The following TNXB variants were observed in gnomAD, a reference collection of about 807,000 sequenced individuals.
TNXB encodes tenascin-X.
Under a neutral mutation model 340.5 loss-of-function variants are expected in TNXB, and 183 were observed. That is an observed-to-expected ratio of 0.54 (90% CI 0.48 to 0.61). The LOEUF (loss-of-function observed/expected upper bound fraction) is 0.61, where lower values mean the gene tolerates loss of function less well. TNXB is among the 20% of genes least tolerant of loss of function. The pLI is 0.00. For missense variants in TNXB, 4,613 were observed against 5,446.4 expected, an observed-to-expected ratio of 0.85 and a Z score of 4.82; for synonymous variants, 2,121 against 2,314.5, an observed-to-expected ratio of 0.92 and a Z score of 2.40.
At position 32,068,640 on chromosome 6, in the gene TNXB, C is replaced by A. The variant is rs1473428109; in HGVS notation, c.5970G>T (p.Leu1990=). 3.1e-6 allele frequency: 5 copies of A among 1,613,886 alleles called. No homozygotes were observed. The highest frequency in any genetic ancestry group is 3.3e-4 in the Middle Eastern group (2 of 6,062). ...ATPEPPIKPR[L]GELTVTDATP... is the part of the protein sequence containing the mutation. ...TGGCATCTGTCACGGTCAGCTCCCC[C>A]AGGCGAGGCTTGATGGGGGGCTCGG... is the stretch of plus-strand genomic sequence containing the variant. Residue 1990 remains leucine (L), a synonymous_variant, in exon 17 of 44, where the codon CTG becomes CTT. Coordinates refer to ENST00000644971, the MANE Select transcript of TNXB (RefSeq NM_001365276.2). The surrounding 1 kb of genome is among the most constrained non-coding windows in gnomAD (Gnocchi z 5.3).
Position 32,098,109 on chromosome 6 carries a change from G to A in TNXB, c.90C>T (p.Ser30=). The change falls in exon 2 of 44, where the codon TCC becomes TCT. Residue 30 remains serine (S), a synonymous_variant. Coordinates refer to ENST00000644971, the MANE Select transcript of TNXB (RefSeq NM_001365276.2). ...TARAGPFSSR[S]NVTLPAPRPP... is the part of the protein sequence containing the mutation. The stretch of plus-strand genomic sequence containing the variant: ...GCCGGGGGGCTGGCAGTGTCACATT[G>A]GACCGTGAAGAGAAGGGGCCTGCTC... 6.2e-7 allele frequency: 1 copy of A among 1,601,220 alleles called. No homozygotes were observed. Among genetic ancestry groups the A allele is most frequent in the African/African-American group, 1.3e-5 (1 of 74,906 alleles).
chr6:32,101,015 T>C (rs1373876754), intron 1 of TNXB, among the ~76,000 whole-genome samples: 3 of 134,390 alleles, frequency 2.2e-5, no homozygotes, highest in Admixed American at 8.8e-5. Context: ...GAGGCGGAGG[T>C]TGCAGTGAGC....
Position 32,072,378 on chromosome 6 carries a change from G to T in TNXB, c.4682-80C>A. On this transcript the variant is annotated intron_variant, in intron 12 of 43. Transcript: ENST00000644971. This position sits in a 1 kb window ranked among gnomAD's most constrained non-coding sequence, Gnocchi z 4.4. ...GGGCTTTGAGGGCCTCAGGGGGGCT[G>T]TGAACTGAGATGGGGAATAGTTACA... 1 of 1,225,842 alleles carries T rather than the reference G, an allele frequency of 8.2e-7. No individual in the cohort carries two copies. The highest frequency in any genetic ancestry group is 1.1e-6 in the Non-Finnish European group (1 of 902,616). The allele number at this position is 1,225,842 out of a possible 1,614,324, so 75.9% of individuals were successfully genotyped here.
Position 32,049,226 on chromosome 6 carries a change from C to T in TNXB, c.9757+44G>A. On this transcript the variant is annotated intron_variant, in intron 28 of 43. Transcript: ENST00000644971. This position sits in a 1 kb window ranked among gnomAD's most constrained non-coding sequence, Gnocchi z 4.5. ...GATCCAAAGGAGAAACACAAGGGGG[C>T]TGCAGAGGTAAACCTGGGGACGAGG... 1 of 1,578,628 alleles carries T rather than the reference C, an allele frequency of 6.3e-7. No homozygotes were observed.
rs565419193 is a variant in TNXB at position 32,105,152 on chromosome 6, T to A, written c.-9+4029A>T. Among the ~76,000 whole-genome samples the A allele has an allele frequency of 1.8e-4, 27 of 152,218 alleles. 1 individual carries two copies. In the East Asian group the frequency reaches 4.2e-3, roughly 24 times the overall value. On this transcript the variant is annotated intron_variant, in intron 1 of 43. Transcript: ENST00000644971. ...GCTCCACTGACCTTCAAGTCCCTCA[T>A]ACTCTCTGTGCCCATCCCCAACCCC... is the stretch of plus-strand genomic sequence containing the variant.
Position 32,055,895 on chromosome 6 carries a change from T to C in TNXB, c.8423A>G (p.His2808Arg), listed in dbSNP as rs1777594740. The change falls in exon 24 of 44, where the codon CAC (histidine) becomes CGC (arginine). Residue 2808 changes from histidine (H) to arginine (R), a missense_variant. This residue lies in a region of TNXB where 4,327 missense variants were observed against 4,859.4 expected (regional missense o/e 0.89). Transcript: ENST00000644971. ...CACCGGGCCCACACGCCGCCCCTCG[T>C]GGAGGCCGTACAGGTGCATCTTGTA... Reference protein sequence around the residue: ...RKYKMHLYGLHEGRRVGPVST... With the variant: ...RKYKMHLYGLREGRRVGPVST... 2.5e-6 allele frequency: 4 copies of C among 1,613,026 alleles called. No individual in the cohort carries two copies. The African/African-American group carries it at 5.3e-5, about 22-fold the overall frequency.
At chr6:32,095,549 C>G in intron 3 of TNXB, 62 bp downstream of exon 3, 2 of 1,557,472 alleles carry the variant, frequency 1.3e-6, no homozygotes, top group East Asian at 4.5e-5. Flanking sequence ...TCAGGTCTTC[C>G]CCATGGCTCC....
rs1406024505 is a variant in TNXB, at chr6:32,081,422, A to G, written c.3988T>C (p.Tyr1330His). 1 of 1,559,388 alleles carries G rather than the reference A, an allele frequency of 6.4e-7. No individual in the cohort carries two copies. Among genetic ancestry groups the G allele is most frequent in the Admixed American group, 1.9e-5 (1 of 52,456 alleles). Residue 1330 changes from tyrosine to histidine, a missense_variant, in exon 10 of 44, where the codon TAC becomes CAC. This residue lies in a region of TNXB where 4,327 missense variants were observed against 4,859.4 expected (regional missense o/e 0.89). Transcript: ENST00000644971. The surrounding 1 kb of genome is among the most constrained non-coding windows in gnomAD (Gnocchi z 5.1). ...DPDRKYKMNL[Y>H]GLRGRQRVGP... ...ACACGCTGCCTGCCACGAAGCCCGT[A>G]GAGGTTCATCTTATACTTCCGGTCG...
At position 32,064,276 on chromosome 6, in the gene TNXB, G is replaced by A. The variant is rs1000398677; in HGVS notation, c.6841+545C>T. On this transcript the variant is annotated intron_variant, in intron 19 of 43. Coordinates refer to ENST00000644971, the MANE Select transcript of TNXB (RefSeq NM_001365276.2). The surrounding 1 kb of genome is among the most constrained non-coding windows in gnomAD (Gnocchi z 5.3). ...CACACAGGCTGGAGTGCAGTGGCTCGATCTCGGCTCACTGCAACCTCCGCC... is the reference window on the plus strand; with the variant it reads ...CACACAGGCTGGAGTGCAGTGGCTCAATCTCGGCTCACTGCAACCTCCGCC... Among the ~76,000 whole-genome samples the A allele has an allele frequency of 6.6e-6, 1 of 152,102 alleles. No homozygotes were observed. Among genetic ancestry groups the A allele is most frequent in the East Asian group, 1.9e-4 (1 of 5,186 alleles).
rs137893789 is a variant in TNXB, at chr6:32,087,709, G to A, written c.2779+1076C>T. On this transcript the variant is annotated intron_variant, in intron 6 of 43. Coordinates refer to ENST00000644971, the MANE Select transcript of TNXB (RefSeq NM_001365276.2). The surrounding 1 kb of genome is among the most constrained non-coding windows in gnomAD (Gnocchi z 9.0). ...TTCATGGATGTGGCGCGCCACCGAC[G>A]TGTAAGTCTGGTTGGCCCGCAGTGG... 0.025 allele frequency: 11,664 copies of A among 474,274 alleles called. 293 individuals are homozygous for A. The highest frequency in any genetic ancestry group is 0.041 in the Non-Finnish European group (9,778 of 238,142). 29.4% of individuals were successfully genotyped at this position (474,274 alleles called of 1,614,324 possible).
chr6:32,090,885 C>A lies in TNXB; in HGVS notation c.2359-1506G>T, dbSNP rs1780041331. Among the ~76,000 whole-genome samples, 1 of 152,112 alleles carries A rather than the reference C, an allele frequency of 6.6e-6. No individual in the cohort carries two copies. The highest frequency in any genetic ancestry group is 2.1e-4 in the South Asian group (1 of 4,822). ...TCTCTTTCTCTTTATCCACACCCAC[C>A]CCATCCCCACAGCCGCAATACACAC... On this transcript the variant is annotated intron_variant, in intron 4 of 43. Transcript: ENST00000644971. This position sits in a 1 kb window ranked among gnomAD's most constrained non-coding sequence, Gnocchi z 4.3.
At position 32,051,969 on chromosome 6, in the gene TNXB, G is replaced by C. The variant is rs2857009; in HGVS notation, c.9115+701C>G. ...TGTCTAGTGGGTAGGAAGTTTCAGTGTGGGAAGAGGAGTTCTGGAAGTGGA... is the reference window on the plus strand; with the variant it reads ...TGTCTAGTGGGTAGGAAGTTTCAGTCTGGGAAGAGGAGTTCTGGAAGTGGA... On this transcript the variant is annotated intron_variant, in intron 26 of 43. Coordinates refer to ENST00000644971, the MANE Select transcript of TNXB (RefSeq NM_001365276.2). This position sits in a 1 kb window ranked among gnomAD's most constrained non-coding sequence, Gnocchi z 4.7. Among the ~76,000 whole-genome samples the C allele has an allele frequency of 0.26, 38,982 of 152,076 alleles. 6,404 individuals are homozygous for C. The highest frequency in any genetic ancestry group is 0.38 in the Admixed American group (5,745 of 15,278).
chr6:32,075,222 C>G lies in TNXB; in HGVS notation c.4376-1270G>C, dbSNP rs762625312. On this transcript the variant is annotated intron_variant, in intron 11 of 43. Transcript: ENST00000644971. This position sits in a 1 kb window ranked among gnomAD's most constrained non-coding sequence, Gnocchi z 4.6. ...CTGTTGGGTCTGCAGCCAGAAGGAT[C>G]CTGTTAACACATTAGCCAGAGCTGG... 6.6e-6 allele frequency among the ~76,000 whole-genome samples: 1 copy of G among 152,224 alleles called. No homozygotes were observed. The highest frequency in any genetic ancestry group is 2.1e-4 in the South Asian group (1 of 4,832).
At position 32,090,374 on chromosome 6, in the gene TNXB, C is replaced by G. The variant is rs1780021470; in HGVS notation, c.2359-995G>C. ...TCCAAAGGGAATCTACTGGACCCTGCTCCAGGCAGGGTCTCCTGGAATGCC... is the reference window on the plus strand; with the variant it reads ...TCCAAAGGGAATCTACTGGACCCTGGTCCAGGCAGGGTCTCCTGGAATGCC... On this transcript the variant is annotated intron_variant, in intron 4 of 43. Coordinates refer to ENST00000644971, the MANE Select transcript of TNXB (RefSeq NM_001365276.2). The surrounding 1 kb of genome is among the most constrained non-coding windows in gnomAD (Gnocchi z 4.3). Among the ~76,000 whole-genome samples the G allele has an allele frequency of 1.3e-5, 2 of 152,214 alleles. No homozygotes were observed. The highest frequency in any genetic ancestry group is 2.9e-5 in the Non-Finnish European group (2 of 68,038).
Position 32,095,599 on chromosome 6 carries a change from C to T in TNXB, c.2242+12G>A. Reference sequence around the variant, plus strand: ...CAGTCCCAGAGTACACTGGGGAAGGCTGCCTGCTCACCTTCTCCGCAGTCT... The same window carrying T: ...CAGTCCCAGAGTACACTGGGGAAGGTTGCCTGCTCACCTTCTCCGCAGTCT... On this transcript the variant is annotated intron_variant, in intron 3 of 43. Coordinates refer to ENST00000644971, the MANE Select transcript of TNXB (RefSeq NM_001365276.2). 1 of 1,603,682 alleles carries T rather than the reference C, an allele frequency of 6.2e-7. No individual in the cohort carries two copies.
In TNXB at chr6:32,049,277, G is replaced by A. The variant is rs764782707; in HGVS notation, c.9750C>T (p.Gly3250=). ...GCCTGTCCCCCCACTCACCCGTGAT[G>A]CCCACGGTGGACACTGGGCCCACGC... ...GQRVGPVSTV[G]ITAPLPTPLP... Residue 3250 remains glycine (G), a synonymous_variant, in exon 28 of 44, where the codon GGC becomes GGT. Transcript: ENST00000644971. This position sits in a 1 kb window ranked among gnomAD's most constrained non-coding sequence, Gnocchi z 4.5. 3 of 1,609,880 alleles carry A rather than the reference G, an allele frequency of 1.9e-6. No homozygotes were observed. Among genetic ancestry groups the A allele is most frequent in the African/African-American group, 2.7e-5 (2 of 74,856 alleles).
At position 32,064,813 on chromosome 6, in the gene TNXB, A is replaced by C; in HGVS notation, c.6841+8T>G. The C allele has an allele frequency of 1.2e-6, 2 of 1,609,094 alleles. No homozygotes were observed. Among genetic ancestry groups the C allele is most frequent in the Non-Finnish European group, 1.7e-6 (2 of 1,178,618 alleles). On this transcript the variant is annotated splice_region_variant and intron_variant, in intron 19 of 43. Coordinates refer to ENST00000644971, the MANE Select transcript of TNXB (RefSeq NM_001365276.2). This position sits in a 1 kb window ranked among gnomAD's most constrained non-coding sequence, Gnocchi z 5.3. ...AGGGCAGGGCCCAGTGCCCTACTGC[A>C]CACTCACCAGTTAAACCAACAGCAG...
rs777702546 is a variant in TNXB at position 32,096,075 on chromosome 6, T to G, written c.1778A>C (p.Asp593Ala). The G allele has an allele frequency of 6.2e-7, 1 of 1,612,232 alleles. No homozygotes were observed. The highest frequency in any genetic ancestry group is 8.5e-7 in the Non-Finnish European group (1 of 1,179,532). Residue 593 changes from aspartate (D) to alanine (A), a missense_variant, in exon 3 of 44, where the codon GAC (aspartate) becomes GCC (alanine). By Grantham distance (126) the Asp-to-Ala change is moderately radical. This residue lies in a region of TNXB where 4,327 missense variants were observed against 4,859.4 expected (regional missense o/e 0.89). Coordinates refer to ENST00000644971, the MANE Select transcript of TNXB (RefSeq NM_001365276.2). ...EDCGVRQCPN[D>A]CSQHGVCQDG... ...CTGGCACACGCCGTGCTGGCTGCAG[T>G]CATTCGGGCACTGCCTCACACCGCA... is the stretch of plus-strand genomic sequence containing the variant.
In TNXB at chr6:32,047,815, G is replaced by A. The variant is rs750976463; in HGVS notation, c.10243C>T (p.Pro3415Ser). ...AGCAGGAACCTGTATTTCCTACTGG[G>A]CTCCAGGCCCTGGACTGTGACCTCC... The part of the protein sequence containing the change: ...QREVTVQGLE[P>S]SRKYRFLLYG... Residue 3415 changes from proline (P) to serine (S), a missense_variant, in exon 30 of 44, where the codon CCC becomes TCC. This residue lies in a region of TNXB where 4,327 missense variants were observed against 4,859.4 expected (regional missense o/e 0.89). Coordinates refer to ENST00000644971, the MANE Select transcript of TNXB (RefSeq NM_001365276.2). The surrounding 1 kb of genome is among the most constrained non-coding windows in gnomAD (Gnocchi z 6.2). The A allele has an allele frequency of 1.2e-6, 2 of 1,611,072 alleles. No individual in the cohort carries two copies. The highest frequency in any genetic ancestry group is 2.2e-5 in the South Asian group (2 of 90,764).
Sources: allele counts gnomAD v4.1 joint callset (sites outside exome capture counted in the v4.1 genomes callset), GRCh38; gene constraint gnomAD v4.1.1; regional missense constraint gnomAD v4.1.1; non-coding constraint Gnocchi (gnomAD v3.1); transcripts MANE v1.5; gene names NCBI Gene and HGNC (gene_info 2026-07-23, HGNC 2026-07-21).